AOAH: variants seen among roughly 807,000 people sequenced by gnomAD.
AOAH encodes acyloxyacyl hydrolase (neutrophil).
A neutral mutation model predicts 92.2 loss-of-function variants in AOAH; 64 were observed. The ratio of observed to expected loss-of-function variants is 0.69; its 90% CI spans 0.57 to 0.86. AOAH has a LOEUF of 0.86. AOAH is among the 40% of genes least tolerant of loss of function. The probability of loss-of-function intolerance (pLI) is 0.00; values close to 1 mark genes in which losing one functional copy is unlikely to be tolerated. For missense variants in AOAH, 656 were observed against 694.6 expected (o/e 0.94, Z 0.62); for synonymous variants, 263 against 254.5 (o/e 1.03, Z -0.32).
At chr7:36,578,001 G>T (rs535826171) in intron 12 of AOAH, among the ~76,000 whole-genome samples, 1 of 152,190 alleles carries the variant, frequency 6.6e-6, no homozygotes, top group Non-Finnish European at 1.5e-5. Context: ...AGGATGCATA[G>T]AAAATAGTAT....
At chr7:36,629,688 A>ATC (rs1374706706) in intron 6 of AOAH, among the ~76,000 whole-genome samples, 2 of 152,136 alleles carry the variant, frequency 1.3e-5, no homozygotes, top group African/African-American at 2.4e-5. Flanking sequence ...TAACTCTTGG[A>ATC]TCTCTCTAAG....
At chr7:36,694,271 C>A (rs185432239) in intron 1 of AOAH, among the ~76,000 whole-genome samples, 2,303 of 151,912 alleles carry the variant, frequency 0.015, 51 homozygotes, top group African/African-American at 0.053. Flanking sequence ...CTGAGGCGGG[C>A]GGATCACCTG....
At chr7:36,568,036 G>A (rs914706530) in intron 13 of AOAH, among the ~76,000 whole-genome samples, 1 of 152,230 alleles carries the variant, frequency 6.6e-6, no homozygotes, top group African/African-American at 2.4e-5. Context: ...GTGTACACAT[G>A]AGACCATCCT....
At chr7:36,528,330 T>C (rs1025956806) in intron 19 of AOAH, among the ~76,000 whole-genome samples, 1 of 152,224 alleles carries the variant, frequency 6.6e-6, no homozygotes, top group African/African-American at 2.4e-5. Flanking sequence ...AACTTTTTGC[T>C]TTTTCACTGT....
chr7:36,631,929 C>A, intron 6 of AOAH, 107 bp downstream of exon 6: 1 of 795,934 alleles, frequency 1.3e-6, no homozygotes, highest in Admixed American at 2.6e-5. Context: ...CTCTCACCTT[C>A]AGGGATGCCT....
chr7:36,699,482 T>TG (rs778377488), intron 1 of AOAH, among the ~76,000 whole-genome samples: 3 of 152,124 alleles, frequency 2.0e-5, no homozygotes, highest in Non-Finnish European at 4.4e-5. Flanking sequence ...TCTTTTTAAC[T>TG]GGGGGTGAGA....
intron 11 of AOAH, among the ~76,000 whole-genome samples, chr7:36,600,756 G>A (rs1790508719): frequency 6.6e-6 from 1 of 152,088 alleles, no homozygotes; most frequent in Non-Finnish European, 1.5e-5. Flanking sequence ...GGGCCAAGCT[G>A]GGCTAGATAG....
At chr7:36,682,346 G>A (rs1429006489) in intron 2 of AOAH, among the ~76,000 whole-genome samples, 1 of 152,146 alleles carries the variant, frequency 6.6e-6, no homozygotes, top group Admixed American at 6.5e-5. Context: ...GGAGCTCTGT[G>A]CATTTAGAAA....
chr7:36,714,380 C>A (rs887215510), intron 1 of AOAH, among the ~76,000 whole-genome samples: 1 of 152,166 alleles, frequency 6.6e-6, no homozygotes, highest in Non-Finnish European at 1.5e-5. Context: ...GGATTCACAG[C>A]CGAATTCTAC....
At chr7:36,540,590 A>G in intron 15 of AOAH, 99 bp from the exon 16 acceptor site, 1 of 1,004,940 alleles carries the variant, frequency 1.0e-6, no homozygotes, top group Non-Finnish European at 1.5e-6. Flanking sequence ...ACATACGCAC[A>G]CACACACACA....
intron 6 of AOAH, 114 bp downstream of exon 6, chr7:36,631,922 T>C (rs909344736): frequency 9.3e-6 from 7 of 755,390 alleles, no homozygotes; most frequent in African/African-American, 1.8e-5. Context: ...AGAAACACTC[T>C]CACCTTCAGG....
intron 19 of AOAH, 76 bp downstream of exon 19, chr7:36,530,342 G>T (rs1218505231): frequency 1.9e-6 from 2 of 1,055,674 alleles, no homozygotes; most frequent in Non-Finnish European, 2.9e-6. Flanking sequence ...GCTTATAAAA[G>T]TATAAAACCA....
chr7:36,567,740 C>A (rs577513756), intron 13 of AOAH, among the ~76,000 whole-genome samples: 1 of 152,144 alleles, frequency 6.6e-6, no homozygotes, highest in South Asian at 2.1e-4. Flanking sequence ...TGTTTTTGTG[C>A]CCAGGGCAAG....
intron 3 of AOAH, among the ~76,000 whole-genome samples, chr7:36,662,594 C>T (rs1239763023): frequency 6.6e-6 from 1 of 152,140 alleles, no homozygotes; most frequent in Non-Finnish European, 1.5e-5. Context: ...TTAGTGGACT[C>T]GAGAGTGATA....
chr7:36,647,762 T>C (rs937282574), intron 4 of AOAH, among the ~76,000 whole-genome samples: 1 of 152,054 alleles, frequency 6.6e-6, no homozygotes. Context: ...TGTGAAATGC[T>C]TGGAGAAAAG....
chr7:36,575,995 C>T (rs1278424393), intron 13 of AOAH, among the ~76,000 whole-genome samples: 2 of 152,176 alleles, frequency 1.3e-5, no homozygotes, highest in African/African-American at 4.8e-5. Flanking sequence ...AGTGGCAACA[C>T]ATACACTGTT....
At chr7:36,606,048 T>G (rs543053346) in intron 11 of AOAH, among the ~76,000 whole-genome samples, 1 of 152,218 alleles carries the variant, frequency 6.6e-6, no homozygotes, top group Admixed American at 6.5e-5. Flanking sequence ...CAATAGCTTT[T>G]CTTCATCTTA....
intron 1 of AOAH, among the ~76,000 whole-genome samples, chr7:36,707,192 T>C (rs1038466296): frequency 6.6e-6 from 1 of 152,104 alleles, no homozygotes; most frequent in African/African-American, 2.4e-5. Flanking sequence ...TAGAGGCCAT[T>C]GTAGGGTTGC....
In AOAH at chr7:36,618,205, G is replaced by A. The variant is rs1475227649; in HGVS notation, c.751+92C>T. The stretch of plus-strand genomic sequence containing the variant: ...TAGAGTAAATCCTAGCATCAAGCAC[G>A]TTCTGACTTAGGTGGTCTGCTCACT... On this transcript the variant is annotated intron_variant, in intron 10 of 20. Coordinates refer to ENST00000617537, the MANE Select transcript of AOAH (RefSeq NM_001637.4). 7.7e-5 allele frequency: 84 copies of A among 1,095,668 alleles called. 1 individual carries two copies. The Admixed American group carries it at 1.4e-3, about 18-fold the overall frequency. The allele number at this position is 1,095,668 out of a possible 1,614,324, so 67.9% of individuals were successfully genotyped here. A position where few individuals can be genotyped will look rare whatever the true frequency, so the allele number is the denominator to read the frequency against.
Sources: gnomAD v4.1 joint callset for allele counts (sites outside exome capture counted in the v4.1 genomes callset) on GRCh38, gnomAD v4.1.1 for gene constraint, MANE v1.5 for transcripts, NCBI Gene and HGNC (gene_info 2026-07-23, HGNC 2026-07-21) for gene names.